TSHZ3: variants seen among roughly 807,000 people sequenced by gnomAD.
TSHZ3 encodes the protein teashirt zinc finger homeobox 3.
A neutral mutation model predicts 64.5 loss-of-function variants in TSHZ3; 10 were observed. That is an observed-to-expected ratio of 0.16 (90% CI 0.10 to 0.26). The LOEUF is 0.26. TSHZ3 is among the 10% of genes least tolerant of loss of function. The pLI, the probability that TSHZ3 is intolerant of heterozygous loss-of-function variation, is 1.00. For synonymous variants in TSHZ3, 608 were observed against 593.1 expected (o/e 1.03, Z -0.36); for missense variants, 1,242 against 1,421.7 (o/e 0.87, Z 2.03).
intron 1 of TSHZ3, among the ~76,000 whole-genome samples, chr19:31,243,461 G>A (rs1232189806): frequency 1.3e-5 from 2 of 152,156 alleles, no homozygotes; most frequent in East Asian, 1.9e-4. Context: ...TGTAGTCAGG[G>A]TCCCACTGTA....
chr19:31,261,197 A>G (rs1975979562), intron 1 of TSHZ3, among the ~76,000 whole-genome samples: 1 of 152,188 alleles, frequency 6.6e-6, no homozygotes, highest in Non-Finnish European at 1.5e-5. Flanking sequence ...GACATTAAGA[A>G]GCCAAGAACT....
chr19:31,179,434 G>C (rs1038561698), intron 5 of TSHZ3, among the ~76,000 whole-genome samples: 1 of 152,222 alleles, frequency 6.6e-6, no homozygotes, highest in African/African-American at 2.4e-5. Flanking sequence ...AGAAGTCAAA[G>C]AGTAAGAGAG....
At chr19:31,150,237 A>C (rs1407148173) in exon 7 of TSHZ3, among the ~76,000 whole-genome samples, 1 of 152,168 alleles carries the variant, frequency 6.6e-6, no homozygotes, top group Non-Finnish European at 1.5e-5. Context: ...CATGCTCTGA[A>C]GTCAGCCCGT....
intron 1 of TSHZ3, among the ~76,000 whole-genome samples, chr19:31,313,036 G>GT (rs1916503431): frequency 6.6e-6 from 1 of 152,120 alleles, no homozygotes; most frequent in Admixed American, 6.5e-5. Context: ...TGTGTAAACA[G>GT]TAAGTTCAGG....
At chr19:31,280,479 C>T (rs528240280) in intron 1 of TSHZ3, among the ~76,000 whole-genome samples, 8 of 152,156 alleles carry the variant, frequency 5.3e-5, no homozygotes, top group Admixed American at 1.3e-4. Context: ...AGCCCTGTCC[C>T]CCATGTGAAC....
intron 5 of TSHZ3, among the ~76,000 whole-genome samples, chr19:31,170,689 C>T (rs1314501302): frequency 6.6e-6 from 1 of 152,194 alleles, no homozygotes; most frequent in Non-Finnish European, 1.5e-5. Context: ...TACAAAACAC[C>T]TGATTTTGAA....
chr19:31,168,674 A>G (rs1284620307), intron 5 of TSHZ3, among the ~76,000 whole-genome samples: 1 of 152,216 alleles, frequency 6.6e-6, no homozygotes, highest in East Asian at 1.9e-4. Flanking sequence ...TGGAAGCTGC[A>G]AGAGCCTAGA....
chr19:31,294,882 G>A (rs985183006), intron 1 of TSHZ3, among the ~76,000 whole-genome samples: 1 of 152,166 alleles, frequency 6.6e-6, no homozygotes, highest in African/African-American at 2.4e-5. Context: ...AATGAGAACA[G>A]CACTCTCACT....
chr19:31,349,155 A>G, intron 1 of TSHZ3, 25 bp downstream of exon 1: 1 of 1,539,834 alleles, frequency 6.5e-7, no homozygotes, highest in Middle Eastern at 1.7e-4. Flanking sequence ...GGAGGAGAGC[A>G]GAAGGAAGGG....
chr19:31,219,531 G>A (rs1341739414), intron 4 of TSHZ3, among the ~76,000 whole-genome samples: 2 of 152,050 alleles, frequency 1.3e-5, no homozygotes, highest in Admixed American at 6.5e-5. Context: ...TGATGGAAAT[G>A]TTCTATATTT....
intron 1 of TSHZ3, among the ~76,000 whole-genome samples, chr19:31,258,011 C>A (rs1975935002): frequency 6.6e-6 from 1 of 152,130 alleles, no homozygotes. Flanking sequence ...TGAAGGATGG[C>A]ACCCAGTTAA....
At chr19:31,301,178 C>CGG (rs142389682) in intron 1 of TSHZ3, among the ~76,000 whole-genome samples, 3,145 of 151,926 alleles carry the variant, frequency 0.021, 107 homozygotes, top group African/African-American at 0.071. Flanking sequence ...GAGTGGATTG[C>CGG]GGGGGATTTC....
Position 31,216,178 on chromosome 19 carries a change from C to T in TSHZ3, n.687-11100G>A, listed in dbSNP as rs548788986. Among the ~76,000 whole-genome samples, 133 of 152,120 alleles carry T rather than the reference C, an allele frequency of 8.7e-4. No homozygotes were observed. The South Asian group carries it at 0.012, about 14-fold the overall frequency. On this transcript the variant is annotated intron_variant and non_coding_transcript_variant, in intron 4 of 6. Coordinates refer to the TSHZ3 transcript ENST00000651361. Reference sequence around the variant, plus strand: ...TTCTTTATGATGGTGTTATGTCTGGCCATCAAATCGTTCTTAAATATTTAA... The same window carrying T: ...TTCTTTATGATGGTGTTATGTCTGGTCATCAAATCGTTCTTAAATATTTAA...
At chr19:31,338,846 C>CTT (rs146059675) in intron 1 of TSHZ3, among the ~76,000 whole-genome samples, 2 of 149,308 alleles carry the variant, frequency 1.3e-5, no homozygotes, top group Admixed American at 6.7e-5. Context: ...TTTCTTTTTT[C>CTT]TTTTTTTTCC....
intron 5 of TSHZ3, among the ~76,000 whole-genome samples, chr19:31,166,062 A>T (rs1469856622): frequency 6.6e-6 from 1 of 152,172 alleles, no homozygotes; most frequent in African/African-American, 2.4e-5. Flanking sequence ...TAAACGCTTT[A>T]TTACAGCGCC....
chr19:31,223,309 T>C (rs1000289751), intron 4 of TSHZ3, among the ~76,000 whole-genome samples: 1 of 152,150 alleles, frequency 6.6e-6, no homozygotes, highest in East Asian at 1.9e-4. Context: ...GCCTCATGTG[T>C]ATACCTTCTC....
intron 1 of TSHZ3, among the ~76,000 whole-genome samples, chr19:31,341,370 A>C (rs1331375657): frequency 6.6e-6 from 1 of 152,112 alleles, no homozygotes; most frequent in Non-Finnish European, 1.5e-5. Flanking sequence ...GTCTGGATCC[A>C]GGGTAGGTGC....
At chr19:31,150,340 G>A (rs79518598) in exon 7 of TSHZ3, among the ~76,000 whole-genome samples, 1 of 152,176 alleles carries the variant, frequency 6.6e-6, no homozygotes, top group African/African-American at 2.4e-5. Context: ...CCTGCAAGGG[G>A]GATGGGCACC....
intron 4 of TSHZ3, among the ~76,000 whole-genome samples, chr19:31,223,125 T>A (rs961796620): frequency 6.6e-6 from 1 of 152,192 alleles, no homozygotes; most frequent in African/African-American, 2.4e-5. Context: ...CTCTTGGACA[T>A]CTGAGCCTGT....
Sources: gnomAD v4.1 joint callset for allele counts (sites outside exome capture counted in the v4.1 genomes callset) on GRCh38, gnomAD v4.1.1 for gene constraint, MANE v1.5 for transcripts, NCBI Gene and HGNC (gene_info 2026-07-23, HGNC 2026-07-21) for gene names.